The following CTNNA3 variants were observed in gnomAD, a reference collection of about 807,000 sequenced individuals.
CTNNA3 encodes catenin alpha 3, also known as catenin alpha-3.
A neutral mutation model predicts 95.7 loss-of-function variants in CTNNA3; 76 were observed. The ratio of observed to expected loss-of-function variants is 0.79; its 90% confidence interval spans 0.66 to 0.96. The LOEUF (loss-of-function observed/expected upper bound fraction) is 0.96. Among genes scored for constraint, CTNNA3 ranks in the 40% least tolerant of loss-of-function variants. The probability of loss-of-function intolerance (pLI) is 0.00; values close to 1 mark genes in which losing one functional copy is unlikely to be tolerated. For missense variants in CTNNA3, 1,191 were observed against 1,089.8 expected (o/e 1.09, Z -1.31); for synonymous variants, 431 against 374.4 (o/e 1.15, Z -1.74).
chr10:67,659,310 A>C (rs1840113458), intron 1 of CTNNA3, among the ~76,000 whole-genome samples: 1 of 152,218 alleles, frequency 6.6e-6, no homozygotes. Flanking sequence ...ATTCCACAAG[A>C]TGACTTTATG....
intron 5 of CTNNA3, among the ~76,000 whole-genome samples, chr10:67,262,640 G>A (rs1866666160): frequency 6.6e-6 from 1 of 152,146 alleles, no homozygotes; most frequent in East Asian, 1.9e-4. Context: ...TTAAAAAACA[G>A]CTCATACTCC....
chr10:66,016,930 T>A (rs1314048804), intron 15 of CTNNA3, among the ~76,000 whole-genome samples: 1 of 152,170 alleles, frequency 6.6e-6, no homozygotes, highest in Admixed American at 6.5e-5. Context: ...CTCTAACCTT[T>A]ACCAGAATAA....
intron 7 of CTNNA3, among the ~76,000 whole-genome samples, chr10:66,996,649 C>CAAAAAAAAAAAA (rs57025097): frequency 0.11 from 7,482 of 67,650 alleles, 1,553 homozygotes; most frequent in East Asian, 0.2. Context: ...TCCGTCTCTA[C>CAAAAAAAAAAAA]AAAAAAAAAA....
At chr10:66,542,349 G>T (rs1026214712) in intron 10 of CTNNA3, among the ~76,000 whole-genome samples, 3 of 152,012 alleles carry the variant, frequency 2.0e-5, no homozygotes, top group Admixed American at 2.0e-4. Context: ...CAGGGGTCTA[G>T]AACTAGAAAT....
At chr10:67,207,225 A>G (rs1268899094) in intron 6 of CTNNA3, among the ~76,000 whole-genome samples, 4 of 152,202 alleles carry the variant, frequency 2.6e-5, no homozygotes, top group Admixed American at 1.3e-4. Flanking sequence ...TTTTTTAGTC[A>G]TTATATTAAC....
intron 7 of CTNNA3, among the ~76,000 whole-genome samples, chr10:66,801,666 G>T (rs546664903): frequency 6.6e-6 from 1 of 151,470 alleles, no homozygotes; most frequent in Non-Finnish European, 1.5e-5. Flanking sequence ...ATATTGTTAC[G>T]TTTTCCAATC....
At chr10:65,955,452 C>T (rs2077710078) in intron 17 of CTNNA3, among the ~76,000 whole-genome samples, 2 of 152,068 alleles carry the variant, frequency 1.3e-5, no homozygotes, top group Admixed American at 1.3e-4. Flanking sequence ...GAGAAGGCAT[C>T]CCTGTCTTGC....
chr10:66,855,330 A>T (rs143816530), intron 7 of CTNNA3, among the ~76,000 whole-genome samples: 74 of 152,156 alleles, frequency 4.9e-4, no homozygotes, highest in African/African-American at 1.6e-3. Flanking sequence ...ATAGTACTTT[A>T]TAAAAGATTC....
At chr10:66,383,782 G>A (rs1331339887) in intron 11 of CTNNA3, among the ~76,000 whole-genome samples, 1 of 152,090 alleles carries the variant, frequency 6.6e-6, no homozygotes, top group Non-Finnish European at 1.5e-5. Flanking sequence ...AGAGAGTAGG[G>A]GCCAATATTC....
intron 13 of CTNNA3, among the ~76,000 whole-genome samples, chr10:66,267,515 G>A (rs536133502): frequency 6.6e-6 from 1 of 152,150 alleles, no homozygotes; most frequent in African/African-American, 2.4e-5. Context: ...CCTGTCATTT[G>A]CTTATGTACC....
chr10:66,928,061 C>A, intron 7 of CTNNA3: 1 of 1,614,074 alleles, frequency 6.2e-7, no homozygotes, highest in East Asian at 2.2e-5. Flanking sequence ...ACGTTTAAGC[C>A]CAAGCTCCCC....
At chr10:67,426,977 C>A (rs1383393424) in intron 5 of CTNNA3, among the ~76,000 whole-genome samples, 1 of 151,990 alleles carries the variant, frequency 6.6e-6, no homozygotes, top group African/African-American at 2.4e-5. Flanking sequence ...AGACAGTTAA[C>A]TTAATTTTGA....
chr10:66,470,078 T>A (rs1839071399), intron 11 of CTNNA3, among the ~76,000 whole-genome samples: 1 of 151,694 alleles, frequency 6.6e-6, no homozygotes, highest in African/African-American at 2.4e-5. Context: ...ATATAATGAA[T>A]AAAGTAAGAT....
chr10:67,251,629 G>A (rs770705270), intron 5 of CTNNA3, among the ~76,000 whole-genome samples: 2 of 152,146 alleles, frequency 1.3e-5, no homozygotes, highest in Admixed American at 6.6e-5. Flanking sequence ...AACCAATGAG[G>A]AAGAAGAGGA....
At chr10:67,726,125 T>A (rs1410351104) in intron 1 of CTNNA3, among the ~76,000 whole-genome samples, 4 of 112,230 alleles carry the variant, frequency 3.6e-5, no homozygotes, top group Admixed American at 1.2e-4. Flanking sequence ...ATTATTATAT[T>A]AGATAATATA....
intron 17 of CTNNA3, among the ~76,000 whole-genome samples, chr10:65,959,806 G>A (rs1278568141): frequency 6.6e-6 from 1 of 152,088 alleles, no homozygotes; most frequent in African/African-American, 2.4e-5. Flanking sequence ...CTGAGCCACC[G>A]TACCTGGCAA....
chr10:66,619,469 A>T (rs1302378419), intron 10 of CTNNA3, among the ~76,000 whole-genome samples: 1 of 117,208 alleles, frequency 8.5e-6, no homozygotes, highest in Admixed American at 1.0e-4. Flanking sequence ...GGACAAAAAA[A>T]ACAAACACCG....
intron 13 of CTNNA3, among the ~76,000 whole-genome samples, chr10:66,202,856 T>A (rs1462156269): frequency 6.6e-6 from 1 of 152,210 alleles, no homozygotes; most frequent in Non-Finnish European, 1.5e-5. Context: ...TTTAAGGTGA[T>A]ATCAATTAAT....
At chr10:66,042,268 T>C (rs2079710604) in intron 15 of CTNNA3, among the ~76,000 whole-genome samples, 1 of 152,174 alleles carries the variant, frequency 6.6e-6, no homozygotes, top group Admixed American at 6.5e-5. Flanking sequence ...TTCATGAACT[T>C]TCTATATTTT....
Sources: gnomAD v4.1 joint callset for allele counts (sites outside exome capture counted in the v4.1 genomes callset) on GRCh38, gnomAD v4.1.1 for gene constraint, MANE v1.5 for transcripts, NCBI Gene and HGNC (gene_info 2026-07-23, HGNC 2026-07-21) for gene names.